The following LPAR1 variants were observed in gnomAD, a reference collection of about 807,000 sequenced individuals.
The protein encoded by LPAR1 is lysophosphatidic acid receptor 1.
Under a neutral mutation model 23.8 loss-of-function variants are expected in LPAR1, and 5 were observed. The observed-to-expected ratio is 0.21, with a 90% confidence interval of 0.11 to 0.44. The LOEUF is 0.44. LPAR1 is among the 20% of genes least tolerant of loss of function. The pLI is 0.99. For synonymous variants in LPAR1, 160 were observed against 164.7 expected (o/e 0.97, Z 0.22); for missense variants, 311 against 482.8 (o/e 0.64, Z 3.33).
chr9:111,029,308 G>A (rs544500379), intron 2 of LPAR1, among the ~76,000 whole-genome samples: 26 of 152,194 alleles, frequency 1.7e-4, no homozygotes, highest in African/African-American at 6.3e-4. Context: ...TTTTAGACAT[G>A]TCTAAAACTA....
At chr9:110,985,436 A>C (rs1342380524) in intron 2 of LPAR1, among the ~76,000 whole-genome samples, 3 of 151,890 alleles carry the variant, frequency 2.0e-5, no homozygotes, top group Non-Finnish European at 4.4e-5. Context: ...TTTTTTCTAC[A>C]GGGCACAGAG....
At chr9:111,038,711 A>G (rs2097947524), upstream of LPAR1, 3 of 451,618 alleles carry the variant, frequency 6.6e-6, no homozygotes, top group Non-Finnish European at 1.3e-5. This position sits in a 1 kb window ranked among gnomAD's most constrained non-coding sequence, Gnocchi z 4.4. Context: ...CATTGGCTCG[A>G]CAGCCCACGG....
intron 5 of LPAR1, among the ~76,000 whole-genome samples, chr9:110,918,886 GTT>G (rs778795115): frequency 6.8e-6 from 1 of 147,102 alleles, no homozygotes; most frequent in African/African-American, 2.5e-5. Flanking sequence ...TGAAAAGCTG[GTT>G]TTTTTTTTTC....
intron 5 of LPAR1, among the ~76,000 whole-genome samples, chr9:110,887,786 T>C (rs549418022): frequency 6.6e-6 from 1 of 152,310 alleles, no homozygotes; most frequent in South Asian, 2.1e-4. Flanking sequence ...AAATTCTGAC[T>C]AGCCCGTAAA....
At position 110,881,946 on chromosome 9, in the gene LPAR1, C is replaced by G. The variant is rs140807095; in HGVS notation, c.794-6224G>C. Among the ~76,000 whole-genome samples, 571 of 152,316 alleles carry G rather than the reference C, an allele frequency of 3.7e-3. 3 individuals carry two copies. Among genetic ancestry groups the G allele is most frequent in the African/African-American group, 0.013 (545 of 41,562 alleles). ...CCACTCGCTCCTCATTTACGAGGTT[C>G]CAGTCACACAGACCAAGCCCATTTC... On this transcript the variant is annotated intron_variant, in intron 5 of 5. Transcript: ENST00000683809.
intron 3 of LPAR1, 82 bp from the exon 4 acceptor site, chr9:110,972,302 G>C (rs1460654951): frequency 1.7e-6 from 1 of 586,058 alleles, no homozygotes; most frequent in Non-Finnish European, 3.1e-6. Context: ...AAGGAGGTAA[G>C]AATCCCTAGA....
At chr9:111,029,543 G>C (rs2097759456) in intron 2 of LPAR1, among the ~76,000 whole-genome samples, 1 of 151,980 alleles carries the variant, frequency 6.6e-6, no homozygotes, top group Non-Finnish European at 1.5e-5. Flanking sequence ...GAGCTCCACA[G>C]ACCATTGAGG....
chr9:111,020,077 T>C (rs1266856760), intron 2 of LPAR1, among the ~76,000 whole-genome samples: 1 of 152,108 alleles, frequency 6.6e-6, no homozygotes, highest in African/African-American at 2.4e-5. Flanking sequence ...ACCAATCCTA[T>C]CAGATTAGGA....
chr9:111,038,675 C>T (rs1412011016), upstream of LPAR1: 1 of 454,800 alleles, frequency 2.2e-6, no homozygotes, highest in Non-Finnish European at 4.4e-6. This position sits in a 1 kb window ranked among gnomAD's most constrained non-coding sequence, Gnocchi z 4.4. Flanking sequence ...CCCAGCGCCC[C>T]TGACCTCTGC....
intron 5 of LPAR1, among the ~76,000 whole-genome samples, chr9:110,915,592 T>C (rs1195726424): frequency 6.6e-6 from 1 of 152,198 alleles, no homozygotes; most frequent in Admixed American, 6.5e-5. Flanking sequence ...ATTCCATCTC[T>C]AGAATTTAAT....
chr9:110,989,542 T>C (rs2096856407), intron 2 of LPAR1, among the ~76,000 whole-genome samples: 1 of 152,170 alleles, frequency 6.6e-6, no homozygotes, highest in Non-Finnish European at 1.5e-5. Flanking sequence ...AGGGGTACGA[T>C]GTCACTTAAA....
chr9:111,032,341 C>G (rs58034293), intron 2 of LPAR1, among the ~76,000 whole-genome samples: 5 of 152,154 alleles, frequency 3.3e-5, no homozygotes, highest in Non-Finnish European at 5.9e-5. Flanking sequence ...CACCTCACCG[C>G]TGAGGGTCAA....
chr9:110,967,068 T>C (rs973904586), intron 4 of LPAR1, among the ~76,000 whole-genome samples: 2 of 152,190 alleles, frequency 1.3e-5, no homozygotes, highest in Non-Finnish European at 2.9e-5. Flanking sequence ...CAGGTTCCTG[T>C]CTGCAAATAC....
intron 4 of LPAR1, among the ~76,000 whole-genome samples, chr9:110,966,250 G>T (rs1223441628): frequency 1.3e-5 from 2 of 152,088 alleles, no homozygotes; most frequent in Non-Finnish European, 2.9e-5. Context: ...GCAGGCCAAG[G>T]TGGGCGGATC....
At chr9:110,915,586 C>T (rs2766989) in intron 5 of LPAR1, among the ~76,000 whole-genome samples, 54,683 of 151,904 alleles carry the variant, frequency 0.36, 10,598 homozygotes, top group Non-Finnish European at 0.42. Context: ...TCTGTAATTC[C>T]ATCTCTAGAA....
chr9:110,949,828 G>C (rs931807272), intron 4 of LPAR1, among the ~76,000 whole-genome samples: 1 of 152,104 alleles, frequency 6.6e-6, no homozygotes, highest in African/African-American at 2.4e-5. Flanking sequence ...TGGGTTGTAT[G>C]TATATCAATT....
chr9:111,032,007 TGA>T (rs1042180287), intron 2 of LPAR1, among the ~76,000 whole-genome samples: 4 of 152,196 alleles, frequency 2.6e-5, no homozygotes, highest in African/African-American at 9.7e-5. Context: ...GCAAGCTCCA[TGA>T]GAGAAGGGGT....
intron 5 of LPAR1, among the ~76,000 whole-genome samples, chr9:110,889,644 G>C (rs1468354085): frequency 6.6e-6 from 1 of 152,156 alleles, no homozygotes; most frequent in East Asian, 1.9e-4. Flanking sequence ...AATTGTAATT[G>C]AGTTTACAAC....
chr9:110,904,476 T>G (rs1348436020), intron 5 of LPAR1, among the ~76,000 whole-genome samples: 1 of 152,178 alleles, frequency 6.6e-6, no homozygotes, highest in East Asian at 1.9e-4. Flanking sequence ...GGAAAACTAT[T>G]CAAAGAGGTA....
Sources: gnomAD v4.1 joint callset for allele counts (sites outside exome capture counted in the v4.1 genomes callset) on GRCh38, gnomAD v4.1.1 for gene constraint, Gnocchi (gnomAD v3.1) non-coding constraint, MANE v1.5 for transcripts, NCBI Gene and HGNC (gene_info 2026-07-23, HGNC 2026-07-21) for gene names.